RNASET2: variants seen among roughly 807,000 people sequenced by gnomAD.
RNASET2 encodes the protein ribonuclease 6.
In RNASET2, 28 loss-of-function variants were observed where a neutral mutation model predicts 33.9. That is an observed-to-expected ratio of 0.83 (90% CI 0.61 to 1.13). The LOEUF (loss-of-function observed/expected upper bound fraction) is 1.13. Ranked by LOEUF, RNASET2 falls within the 50% of genes most tolerant of loss-of-function variation. RNASET2 has a pLI of 0.00. For synonymous variants in RNASET2, 123 were observed against 121.0 expected, an observed-to-expected ratio of 1.02 and a Z score of -0.11; for missense variants, 330 against 319.9, an observed-to-expected ratio of 1.03 and a Z score of -0.24.
intron 4 of RNASET2, among the ~76,000 whole-genome samples, chr6:166,946,376 C>T (rs1024207526): frequency 6.6e-6 from 1 of 152,188 alleles, no homozygotes; most frequent in African/African-American, 2.4e-5. Context: ...GGCGGGCGAG[C>T]GTCAGGATCT....
In RNASET2 at chr6:166,947,027, C is replaced by T. The variant is rs551790668; in HGVS notation, c.204-288G>A. Among the ~76,000 whole-genome samples, 14 of 152,166 alleles carry T rather than the reference C, an allele frequency of 9.2e-5. No homozygotes were observed. In the South Asian group the frequency reaches 2.7e-3, roughly 29 times the overall value. ...AGTGCAATGGATAGCCTAGTAGCAC[C>T]GAGGAGCGGGGACTCTGGGGTCAGC... On this transcript the variant is annotated intron_variant, in intron 3 of 8. Coordinates refer to ENST00000508775, the MANE Select transcript of RNASET2 (RefSeq NM_003730.6).
chr6:166,952,411 T>G lies in RNASET2; in HGVS notation c.147+77A>C. On this transcript the variant is annotated intron_variant, in intron 2 of 8. Transcript: ENST00000508775. Reference sequence around the variant, plus strand: ...TCCCGCACCAGCAGCGTGGGTGCCCTGGACGGGCACGTGCACACAAACCCC... The same window carrying G: ...TCCCGCACCAGCAGCGTGGGTGCCCGGGACGGGCACGTGCACACAAACCCC... 3 of 1,297,716 alleles carry G rather than the reference T, an allele frequency of 2.3e-6. No homozygotes were observed. In the South Asian group the frequency reaches 3.5e-5, roughly 15 times the overall value. 80.4% of individuals were successfully genotyped at this position (1,297,716 alleles called of 1,614,324 possible).
chr6:166,946,538 T>G, intron 4 of RNASET2, 144 bp downstream of exon 4: 1 of 680,128 alleles, frequency 1.5e-6, no homozygotes, highest in Non-Finnish European at 2.7e-6. Flanking sequence ...TAACAATACT[T>G]ACTAAAACAG....
chr6:166,938,486 C>T lies in RNASET2; in HGVS notation c.446+409G>A, dbSNP rs572329296. On this transcript the variant is annotated intron_variant, in intron 6 of 8. Transcript: ENST00000508775. ...CTGGCCCACATCTCTTTCCTGCCTG[C>T]TTGTTCCAGGAGTTCTGCGGCAAAG... 6.1e-4 allele frequency: 315 copies of T among 519,142 alleles called. 2 individuals carry two copies. Among genetic ancestry groups the T allele is most frequent in the South Asian group, 4.2e-3 (301 of 71,328 alleles). 32.2% of individuals were successfully genotyped at this position (519,142 alleles called of 1,614,324 possible).
chr6:166,947,154 C>T (rs897165913), intron 3 of RNASET2, among the ~76,000 whole-genome samples: 2 of 151,914 alleles, frequency 1.3e-5, no homozygotes, highest in Non-Finnish European at 2.9e-5. Flanking sequence ...ATGAGAACAG[C>T]GAGAGTCTGT....
Position 166,941,523 on chromosome 6 carries a change from C to G in RNASET2, c.332+1496G>C, listed in dbSNP as rs1432326497. On this transcript the variant is annotated intron_variant, in intron 5 of 8. Transcript: ENST00000508775. ...ATTATTTTGAAATAATTTTCTAGAA[C>G]ACAGGCTGTGCAGAACAGGTGACTG... Among the ~76,000 whole-genome samples the G allele has an allele frequency of 3.9e-5, 6 of 152,228 alleles. No individual in the cohort carries two copies. In the East Asian group the frequency reaches 1.2e-3, roughly 29 times the overall value.
At chr6:166,946,623 A>G in intron 4 of RNASET2, 59 bp downstream of exon 4, 1 of 936,156 alleles carries the variant, frequency 1.1e-6, no homozygotes, top group Non-Finnish European at 1.7e-6. Context: ...TACGCTTGTG[A>G]AGAAAAGAGT....
chr6:166,947,733 A>G (rs1297025044), intron 3 of RNASET2, among the ~76,000 whole-genome samples: 3 of 152,226 alleles, frequency 2.0e-5, no homozygotes, highest in Non-Finnish European at 4.4e-5. Flanking sequence ...CTAAGGAGCC[A>G]GGAGGCACCA....
chr6:166,955,315 ACGCACACACACG>A (rs1779115451), intron 1 of RNASET2, among the ~76,000 whole-genome samples: 2 of 60,428 alleles, frequency 3.3e-5, no homozygotes, highest in Non-Finnish European at 2.7e-5. Context: ...CACGACACAC[ACGCACACACACG>A]CACGCACGCA....
rs1277365163 is a variant in RNASET2, at chr6:166,934,123, A to G, written c.460T>C (p.Leu154=). 4 of 1,605,322 alleles carry G rather than the reference A, an allele frequency of 2.5e-6. No homozygotes were observed. The highest frequency in any genetic ancestry group is 1.1e-5 in the South Asian group (1 of 90,876). ...TAATTGATGGATGGTTTTATCCCCA[A>G]TTTTAGAAGCACACTAAAATTTAAA... ...ELDLNSVLLK[L]GIKPSINYYQ... The change falls in exon 7 of 9, where the codon TTG becomes CTG. Residue 154 remains leucine, a synonymous_variant. Transcript: ENST00000508775.
rs1297682505 is a variant in RNASET2, at chr6:166,955,235, GCA to G, written c.86+860_86+861del. Among the ~76,000 whole-genome samples the G allele has an allele frequency of 1.6e-4, 15 of 95,462 alleles. No homozygotes were observed. In the South Asian group the frequency reaches 3.9e-3, roughly 25 times the overall value. The allele number at this position is 95,462 out of a possible 152,430, so 62.6% of individuals were successfully genotyped here. ...CACGCACACACGCGCACACACGCAC[GCA>G]CGCACACACACGCACACACGCACAC... is the stretch of plus-strand genomic sequence containing the variant. On this transcript the variant is annotated intron_variant, in intron 1 of 8. Transcript: ENST00000508775.
intron 2 of RNASET2, 54 bp downstream of exon 2, chr6:166,952,434 C>T (rs1779008568): frequency 2.0e-6 from 3 of 1,506,306 alleles, no homozygotes; most frequent in Non-Finnish European, 1.8e-6. Context: ...GCACACAAAC[C>T]CCTCTTCACA....
intron 3 of RNASET2, 156 bp downstream of exon 3, chr6:166,948,414 G>C (rs938803615): frequency 4.3e-6 from 3 of 704,708 alleles, no homozygotes; most frequent in African/African-American, 3.5e-5. Context: ...TCAGGGTTCT[G>C]CTAGAAAGAC....
Position 166,948,630 on chromosome 6 carries a change from G to T in RNASET2, c.148-5C>A. Reference sequence around the variant, plus strand: ...TCTACAGTCGTTTTGAATTTTCTAGGGAGAAAATATAACAAGAAAATGATT... The same window carrying T: ...TCTACAGTCGTTTTGAATTTTCTAGTGAGAAAATATAACAAGAAAATGATT... On this transcript the variant is annotated splice_polypyrimidine_tract_variant and splice_region_variant and intron_variant, in intron 2 of 8. Transcript: ENST00000508775. 1.3e-6 allele frequency: 2 copies of T among 1,524,588 alleles called. No individual in the cohort carries two copies. Among genetic ancestry groups the T allele is most frequent in the Non-Finnish European group, 1.8e-6 (2 of 1,100,084 alleles). The allele number at this position is 1,524,588 out of a possible 1,614,324, so 94.4% of individuals were successfully genotyped here. A position where few individuals can be genotyped will look rare whatever the true frequency, so the allele number is the denominator to read the frequency against.
rs1778276460 is a variant in RNASET2 at position 166,924,577 on chromosome 6, C to T, written c.*5011G>A. Among the ~76,000 whole-genome samples the T allele has an allele frequency of 6.6e-6, 1 of 152,144 alleles. No individual in the cohort carries two copies. The highest frequency in any genetic ancestry group is 2.4e-5 in the African/African-American group (1 of 41,428). ...GATCCTTCCCTGCAGTTGCTGTCTC[C>T]CTTTCTTCAGGTTCCGAGGAAGCCT... On this transcript the variant is annotated 3_prime_UTR_variant, in exon 9 of 9. Coordinates refer to ENST00000508775, the MANE Select transcript of RNASET2 (RefSeq NM_003730.6).
At chr6:166,934,574 T>C (rs974939237) in intron 6 of RNASET2, 3 of 224,490 alleles carry the variant, frequency 1.3e-5, no homozygotes, top group Non-Finnish European at 2.7e-5. Context: ...GGCCTGCATG[T>C]ACGAGGGCGG....
Position 166,927,713 on chromosome 6 carries a change from C to CAAAAAAAAAAAAAA in RNASET2, c.*1861_*1874dup, listed in dbSNP as rs58837223. 2.5e-4 allele frequency among the ~76,000 whole-genome samples: 12 copies of CAAAAAAAAAAAAAA among 47,342 alleles called. No individual in the cohort carries two copies. The highest frequency in any genetic ancestry group is 8.6e-4 in the African/African-American group (10 of 11,666). The allele number at this position is 47,342 out of a possible 152,430, so 31.1% of individuals were successfully genotyped here. A position where few individuals can be genotyped will look rare whatever the true frequency, so the allele number is the denominator to read the frequency against. On this transcript the variant is annotated 3_prime_UTR_variant, in exon 9 of 9. Coordinates refer to ENST00000508775, the MANE Select transcript of RNASET2 (RefSeq NM_003730.6). ...TGATCCCTGTGTTCGCAAAATGACT[C>CAAAAAAAAAAAAAA]AAAAAAAAAAAAAAAAAAAAAAAGA...
intron 1 of RNASET2, among the ~76,000 whole-genome samples, chr6:166,954,652 C>G (rs149248238): frequency 2.0e-5 from 3 of 152,154 alleles, no homozygotes; most frequent in Non-Finnish European, 2.9e-5. Flanking sequence ...ATACACTTTC[C>G]GGAACACTGA....
chr6:166,929,687 C>T lies in RNASET2; in HGVS notation c.672G>A (p.Gln224=), dbSNP rs1159235921. The T allele has an allele frequency of 6.2e-7, 1 of 1,614,158 alleles. No homozygotes were observed. The highest frequency in any genetic ancestry group is 1.7e-5 in the Admixed American group (1 of 60,018). The change falls in exon 9 of 9, where the codon CAG becomes CAA. Residue 224 remains glutamine, a synonymous_variant. Transcript: ENST00000508775. ...CGGCCCCATTTGCCAGCCAGACTTC[C>T]TGCTTGGGGGACGGCTGCTCCCCCG... ...TEPGEQPSPK[Q]EVWLANGAAE... is the part of the protein sequence containing the mutation.
Sources: gnomAD v4.1 joint callset for allele counts (sites outside exome capture counted in the v4.1 genomes callset) on GRCh38, gnomAD v4.1.1 for gene constraint, MANE v1.5 for transcripts, NCBI Gene and HGNC (gene_info 2026-07-23, HGNC 2026-07-21) for gene names.